The following TNR variants were observed in gnomAD, a reference collection of about 807,000 sequenced individuals.
The protein encoded by TNR is tenascin R, also known as tenascin-R.
In TNR, 45 loss-of-function variants were observed where a neutral mutation model predicts 150.4. The observed-to-expected ratio is 0.30, with a 90% CI of 0.24 to 0.38. The LOEUF (loss-of-function observed/expected upper bound fraction) is 0.38, where lower values mean the gene tolerates loss of function less well. TNR is among the 10% of genes least tolerant of loss of function. TNR has a pLI of 1.00. For synonymous variants in TNR, 687 were observed against 678.4 expected, an observed-to-expected ratio of 1.01 and a Z score of -0.20; for missense variants, 1,544 against 1,759.1, an observed-to-expected ratio of 0.88 and a Z score of 2.19.
chr1:175,468,784 A>T (rs1458169169), intron 2 of TNR, among the ~76,000 whole-genome samples: 1 of 152,180 alleles, frequency 6.6e-6, no homozygotes, highest in Non-Finnish European at 1.5e-5. Flanking sequence ...GGTGGAGGCC[A>T]GTAGCAGGAG....
intron 1 of TNR, among the ~76,000 whole-genome samples, chr1:175,622,014 A>G (rs942338583): frequency 1.2e-4 from 18 of 152,304 alleles, no homozygotes; most frequent in Non-Finnish European, 8.8e-5. Context: ...AACGTTATTC[A>G]CTCTGTGAGG....
chr1:175,582,986 C>A (rs938158808), intron 1 of TNR, among the ~76,000 whole-genome samples: 2 of 152,088 alleles, frequency 1.3e-5, no homozygotes, highest in Middle Eastern at 3.2e-3. Context: ...CCCCAACCCC[C>A]GAGATGCCAG....
chr1:175,331,178 C>CTTT (rs1557868674), intron 20 of TNR, among the ~76,000 whole-genome samples: 1 of 51,154 alleles, frequency 2.0e-5, no homozygotes, highest in African/African-American at 5.7e-5. Context: ...TCCTTCCTTC[C>CTTT]TTCCTTCCTT....
intron 1 of TNR, among the ~76,000 whole-genome samples, chr1:175,675,460 C>T (rs114197392): frequency 6.6e-6 from 1 of 152,190 alleles, no homozygotes; most frequent in Non-Finnish European, 1.5e-5. Context: ...CACACACAAT[C>T]GCATTGTGTG....
At chr1:175,472,820 C>T (rs1306502537) in intron 2 of TNR, among the ~76,000 whole-genome samples, 1 of 152,286 alleles carries the variant, frequency 6.6e-6, no homozygotes, top group Non-Finnish European at 1.5e-5. Context: ...CATCTACTAT[C>T]CCTGGCTGGG....
Position 175,367,194 on chromosome 1 carries a change from GTCC to G in TNR, c.2053+11_2053+13del, listed in dbSNP as rs1557888761. The G allele has an allele frequency of 1.2e-6, 2 of 1,613,410 alleles. No individual in the cohort carries two copies. Among genetic ancestry groups the G allele is most frequent in the South Asian group, 2.2e-5 (2 of 91,014 alleles). On this transcript the variant is annotated intron_variant, in intron 10 of 22. Coordinates refer to ENST00000367674, the MANE Select transcript of TNR (RefSeq NM_003285.3). Reference sequence around the variant, plus strand: ...GCTAACCTGGTCTTCTTCCTCAGCAGTCCTCCTACTCACCAGTCCTGGCATTCA... The same window carrying G: ...GCTAACCTGGTCTTCTTCCTCAGCAGTCCTACTCACCAGTCCTGGCATTCA...
chr1:175,421,450 G>A (rs1486284348), intron 2 of TNR, among the ~76,000 whole-genome samples: 2 of 152,160 alleles, frequency 1.3e-5, no homozygotes, highest in East Asian at 3.8e-4. Context: ...TAAATAGAAA[G>A]CCCAAAGCAG....
chr1:175,398,075 G>A (rs1017769291), intron 4 of TNR, among the ~76,000 whole-genome samples: 1 of 152,186 alleles, frequency 6.6e-6, no homozygotes, highest in African/African-American at 2.4e-5. Flanking sequence ...CAACCAGGTA[G>A]GCTGAGGCCA....
chr1:175,740,492 T>C (rs1418479914), intron 1 of TNR, among the ~76,000 whole-genome samples: 2 of 152,052 alleles, frequency 1.3e-5, no homozygotes, highest in Non-Finnish European at 1.5e-5. Context: ...CCTATGGCCA[T>C]GGAGAATAGG....
intron 1 of TNR, among the ~76,000 whole-genome samples, chr1:175,555,515 GAAAAAAAAA>G (rs56074366): frequency 7.8e-6 from 1 of 127,904 alleles, no homozygotes; most frequent in Non-Finnish European, 1.6e-5. Context: ...ACAACTGAGA[GAAAAAAAAA>G]AAAAAAAAAA....
In TNR at chr1:175,539,862, C is replaced by T. The variant is rs79137834; in HGVS notation, c.-164-11493G>A. ...TTTAAACCAAATCATAAGTAGCTCA[C>T]ACTATAGCATAAACTAGTCTCATAA... is the stretch of plus-strand genomic sequence containing the variant. On this transcript the variant is annotated intron_variant, in intron 1 of 22. Transcript: ENST00000367674. Among the ~76,000 whole-genome samples, 25 of 152,272 alleles carry T rather than the reference C, an allele frequency of 1.6e-4. 1 individual carries two copies. The East Asian group carries it at 4.2e-3, about 26-fold the overall frequency.
intron 2 of TNR, among the ~76,000 whole-genome samples, chr1:175,518,874 C>T (rs1659521862): frequency 6.6e-6 from 1 of 152,094 alleles, no homozygotes; most frequent in South Asian, 2.1e-4. Context: ...ATCATAATTG[C>T]TACCATAACA....
At chr1:175,362,252 A>G (rs757700776) in intron 14 of TNR, among the ~76,000 whole-genome samples, 2 of 152,206 alleles carry the variant, frequency 1.3e-5, no homozygotes, top group Admixed American at 1.3e-4. Context: ...GTTTCTGGCT[A>G]TATCTGATGA....
intron 1 of TNR, among the ~76,000 whole-genome samples, chr1:175,636,460 G>A (rs1664493736): frequency 1.3e-5 from 2 of 152,016 alleles, no homozygotes; most frequent in Non-Finnish European, 2.9e-5. Flanking sequence ...TCCCTGAGAA[G>A]CCCCTGACAT....
intron 14 of TNR, among the ~76,000 whole-genome samples, chr1:175,361,256 G>C (rs907428818): frequency 1.3e-5 from 2 of 152,032 alleles, no homozygotes; most frequent in African/African-American, 4.8e-5. Context: ...TGAAGTTGCT[G>C]GTCTCTTTTA....
intron 1 of TNR, among the ~76,000 whole-genome samples, chr1:175,590,915 C>G (rs144442633): frequency 6.6e-6 from 1 of 152,174 alleles, no homozygotes; most frequent in Non-Finnish European, 1.5e-5. Flanking sequence ...GAGGATCTCA[C>G]GCTAGTTATA....
chr1:175,359,707 A>G lies in TNR; in HGVS notation c.2879T>C (p.Ile960Thr), dbSNP rs142726733. Residue 960 changes from isoleucine to threonine, a missense_variant, in exon 15 of 23, where the codon ATT becomes ACT. By Grantham distance (89) the Ile-to-Thr change is moderately conservative (BLOSUM62 -1). Coordinates refer to ENST00000367674, the MANE Select transcript of TNR (RefSeq NM_003285.3). ...HTAMDNPVDL[I>T]ATNITPTEAL... is the part of the protein sequence containing the mutation. ...TTCTGTTGGAGTGATATTGGTAGCA[A>G]TCAGATCCACAGGGTTGTCCATGGC... 1.1e-4 allele frequency: 179 copies of G among 1,613,364 alleles called. No homozygotes were observed. The highest frequency in any genetic ancestry group is 1.5e-4 in the Non-Finnish European group (173 of 1,179,688).
chr1:175,368,048 C>T (rs1651920892), intron 9 of TNR, among the ~76,000 whole-genome samples: 1 of 152,200 alleles, frequency 6.6e-6, no homozygotes, highest in African/African-American at 2.4e-5. Context: ...CTCTGAGAAC[C>T]TCCTAGAATA....
intron 8 of TNR, among the ~76,000 whole-genome samples, chr1:175,382,633 G>C (rs1255225207): frequency 6.6e-6 from 1 of 152,208 alleles, no homozygotes; most frequent in South Asian, 2.1e-4. Flanking sequence ...TGGGCACGGT[G>C]GCTCACTCCT....
Sources: gnomAD v4.1 joint callset for allele counts (sites outside exome capture counted in the v4.1 genomes callset) on GRCh38, gnomAD v4.1.1 for gene constraint, MANE v1.5 for transcripts, NCBI Gene and HGNC (gene_info 2026-07-23, HGNC 2026-07-21) for gene names.